Variants in CUL1 observed in about 807,000 individuals in gnomAD.
The protein encoded by CUL1 is cullin 1.
A neutral mutation model predicts 118.0 loss-of-function variants in CUL1; 24 were observed. That is an observed-to-expected ratio of 0.20 (90% CI 0.15 to 0.29). CUL1 has a LOEUF of 0.29. CUL1 is among the 10% of genes least tolerant of loss of function. The pLI is 1.00. For missense variants in CUL1, 361 were observed against 933.8 expected, an observed-to-expected ratio of 0.39 and a Z score of 7.99; for synonymous variants, 332 against 340.4, an observed-to-expected ratio of 0.98 and a Z score of 0.27.
At chr7:148,718,313 A>G (rs1216846164) in intron 1 of CUL1, among the ~76,000 whole-genome samples, 3 of 152,226 alleles carry the variant, frequency 2.0e-5, no homozygotes, top group East Asian at 1.9e-4. Flanking sequence ...GGCCATCACT[A>G]CAATGCAATT....
intron 8 of CUL1, 68 bp downstream of exon 8, chr7:148,766,791 C>T: frequency 7.3e-7 from 1 of 1,365,720 alleles, no homozygotes; most frequent in South Asian, 1.4e-5. Flanking sequence ...GCTTTTGATT[C>T]TAGACTCTCG....
chr7:148,783,584 T>C lies in CUL1; in HGVS notation c.1084-199T>C, dbSNP rs1800722355. The C allele has an allele frequency of 2.7e-6, 4 of 1,490,970 alleles. No homozygotes were observed. The South Asian group carries it at 5.0e-5, about 19-fold the overall frequency. The allele number at this position is 1,490,970 out of a possible 1,614,324, so 92.4% of individuals were successfully genotyped here. On this transcript the variant is annotated intron_variant, in intron 9 of 21. Transcript: ENST00000325222. Reference sequence around the variant, plus strand: ...TTGAGTGTGGAGAATAGATTGTTTTTTCTTTTATATATATAAACAAAATGT... The same window carrying C: ...TTGAGTGTGGAGAATAGATTGTTTTCTCTTTTATATATATAAACAAAATGT...
At chr7:148,752,833 T>C (rs1799534139) in intron 2 of CUL1, among the ~76,000 whole-genome samples, 1 of 152,106 alleles carries the variant, frequency 6.6e-6, no homozygotes. Context: ...TGTGTGTTTT[T>C]AGTAGAGATG....
At chr7:148,748,877 C>G (rs982955786) in intron 2 of CUL1, among the ~76,000 whole-genome samples, 1 of 152,032 alleles carries the variant, frequency 6.6e-6, no homozygotes, top group Non-Finnish European at 1.5e-5. Flanking sequence ...GAAATCTAAA[C>G]TGTTTAACTC....
In CUL1 at chr7:148,787,074, A is replaced by G; in HGVS notation, c.1433A>G (p.Asn478Ser). The G allele has an allele frequency of 6.2e-7, 1 of 1,613,796 alleles. No homozygotes were observed. Among genetic ancestry groups the G allele is most frequent in the Non-Finnish European group, 8.5e-7 (1 of 1,179,816 alleles). Residue 478 changes from asparagine to serine, a missense_variant, in exon 13 of 22, where the codon AAC becomes AGC. Physicochemically the swap from Asn to Ser is conservative, Grantham distance 46 (BLOSUM62 1). Around this residue, in one of 7 missense-constraint regions of CUL1, gnomAD observed 169 missense variants for 429.7 expected, o/e 0.39. Coordinates refer to ENST00000325222, the MANE Select transcript of CUL1 (RefSeq NM_003592.3). The surrounding 1 kb of genome is among the most constrained non-coding windows in gnomAD (Gnocchi z 5.5). ...KMLAKRLVHQ[N>S]SASDDAEASM... ...CTCGCCAAGAGGCTCGTCCACCAGA[A>G]CAGTGCAAGTGACGATGCCGAAGCC...
chr7:148,799,774 A>G (rs1238373765), intron 21 of CUL1, among the ~76,000 whole-genome samples: 1 of 152,126 alleles, frequency 6.6e-6, no homozygotes, highest in Non-Finnish European at 1.5e-5. Flanking sequence ...TCTAGAGCAC[A>G]CACTCCCGTG....
intron 2 of CUL1, among the ~76,000 whole-genome samples, chr7:148,742,163 C>T (rs1332081223): frequency 1.3e-5 from 2 of 152,156 alleles, no homozygotes; most frequent in Admixed American, 6.5e-5. Context: ...ATAGGGATTA[C>T]ATTGAATCTT....
At chr7:148,699,056 AGAG>A (rs1355245052) in intron 1 of CUL1, 27 bp downstream of exon 1, 9 of 153,856 alleles carry the variant, frequency 5.8e-5, no homozygotes, top group Admixed American at 3.3e-4. Flanking sequence ...GCCGGGGCCG[AGAG>A]GAGGTGGCGG....
At chr7:148,721,919 A>G (rs1369796575) in intron 1 of CUL1, among the ~76,000 whole-genome samples, 1 of 152,210 alleles carries the variant, frequency 6.6e-6, no homozygotes, top group African/African-American at 2.4e-5. Context: ...ATGTGTTTGC[A>G]TATTTTCTGG....
intron 2 of CUL1, among the ~76,000 whole-genome samples, chr7:148,753,728 C>T (rs1003999163): frequency 2.0e-5 from 3 of 152,166 alleles, no homozygotes; most frequent in African/African-American, 7.2e-5. Context: ...GGCAACCTCC[C>T]TCCTGGAATG....
intron 9 of CUL1, among the ~76,000 whole-genome samples, chr7:148,774,587 C>A (rs1001615928): frequency 6.6e-6 from 1 of 152,172 alleles, no homozygotes; most frequent in Admixed American, 6.5e-5. Flanking sequence ...TGTAAATGAA[C>A]ATAAATCAGG....
At chr7:148,722,746 C>T (rs1798435962) in intron 1 of CUL1, among the ~76,000 whole-genome samples, 1 of 152,256 alleles carries the variant, frequency 6.6e-6, no homozygotes, top group Admixed American at 6.5e-5. Context: ...CAGGCTTCAG[C>T]CTTGTTTCCT....
In CUL1 at chr7:148,773,009, T is replaced by A. The variant is rs1411020835; in HGVS notation, c.1083+5260T>A. 2.0e-5 allele frequency among the ~76,000 whole-genome samples: 3 copies of A among 152,096 alleles called. No individual in the cohort carries two copies. In the South Asian group the frequency reaches 6.2e-4, roughly 32 times the overall value. On this transcript the variant is annotated intron_variant, in intron 9 of 21. Coordinates refer to ENST00000325222, the MANE Select transcript of CUL1 (RefSeq NM_003592.3). ...TCCAGTCCCAAGGCTACCATCTTAA[T>A]CTGGGCTTCGTTTATCACTGCACCT...
intron 1 of CUL1, among the ~76,000 whole-genome samples, chr7:148,705,539 G>A (rs980296391): frequency 6.6e-6 from 1 of 152,168 alleles, no homozygotes; most frequent in African/African-American, 2.4e-5. Context: ...CCTTTGCTAT[G>A]TCGAAATTAA....
intron 1 of CUL1, among the ~76,000 whole-genome samples, chr7:148,716,327 C>T (rs924667835): frequency 1.3e-5 from 2 of 152,142 alleles, no homozygotes; most frequent in Admixed American, 1.3e-4. Context: ...ATAAATGATA[C>T]TGGCATGTCT....
intron 1 of CUL1, among the ~76,000 whole-genome samples, chr7:148,706,549 A>C (rs545732440): frequency 2.0e-5 from 3 of 152,154 alleles, no homozygotes; most frequent in African/African-American, 7.2e-5. Context: ...AAGGGACTCA[A>C]AACACACAAA....
At chr7:148,747,863 A>G (rs868177825) in intron 2 of CUL1, among the ~76,000 whole-genome samples, 3 of 152,254 alleles carry the variant, frequency 2.0e-5, no homozygotes, top group Admixed American at 6.5e-5. Context: ...GAACAAAGAT[A>G]AAGTGATAGA....
intron 2 of CUL1, among the ~76,000 whole-genome samples, chr7:148,750,420 G>C (rs2129460219): frequency 1.3e-5 from 2 of 151,988 alleles, no homozygotes; most frequent in South Asian, 4.2e-4. Context: ...ATTTACATTA[G>C]GTATTTCTCC....
chr7:148,758,932 T>C (rs1457122670), intron 4 of CUL1, among the ~76,000 whole-genome samples: 2 of 152,240 alleles, frequency 1.3e-5, no homozygotes, highest in Non-Finnish European at 2.9e-5. Context: ...TCAAAAGTTG[T>C]TAGTGTAGGA....
Sources: gnomAD v4.1 joint callset for allele counts (sites outside exome capture counted in the v4.1 genomes callset) on GRCh38, gnomAD v4.1.1 for gene constraint, gnomAD v4.1.1 regional missense constraint, Gnocchi (gnomAD v3.1) non-coding constraint, MANE v1.5 for transcripts, NCBI Gene and HGNC (gene_info 2026-07-23, HGNC 2026-07-21) for gene names.